The following SPOCK3 variants were observed in gnomAD, a reference collection of about 807,000 sequenced individuals.
SPOCK3 encodes the protein testican-3.
A neutral mutation model predicts 56.6 loss-of-function variants in SPOCK3; 30 were observed. The ratio of observed to expected loss-of-function variants is 0.53; its 90% CI spans 0.40 to 0.72. The LOEUF (loss-of-function observed/expected upper bound fraction) is 0.72, where lower values mean the gene tolerates loss of function less well. Ranked by LOEUF, SPOCK3 falls within the 30% of genes least tolerant of loss-of-function variation. The pLI is 0.00. For synonymous variants in SPOCK3, 196 were observed against 183.3 expected (o/e 1.07, Z -0.56); for missense variants, 527 against 530.0 (o/e 0.99, Z 0.06).
intron 2 of SPOCK3, among the ~76,000 whole-genome samples, chr4:167,143,778 C>A (rs571847584): frequency 6.6e-6 from 1 of 151,962 alleles, no homozygotes; most frequent in African/African-American, 2.4e-5. Flanking sequence ...AAAGACAAAA[C>A]TTCAATGTGA....
chr4:167,112,139 C>T (rs946183703), intron 2 of SPOCK3, among the ~76,000 whole-genome samples: 7 of 152,068 alleles, frequency 4.6e-5, no homozygotes, highest in Non-Finnish European at 1.0e-4. Flanking sequence ...TATATATATG[C>T]TTTATCACTC....
Position 167,009,770 on chromosome 4 carries a change from A to T in SPOCK3, c.236-9307T>A, listed in dbSNP as rs187887803. Reference sequence around the variant, plus strand: ...CCACTCAAAAACTAGCATATCAAGAAATCAAAATATTCTTGTAAAATCAGA... The same window carrying T: ...CCACTCAAAAACTAGCATATCAAGATATCAAAATATTCTTGTAAAATCAGA... On this transcript the variant is annotated intron_variant, in intron 3 of 10. Coordinates refer to ENST00000357545, the MANE Select transcript of SPOCK3 (RefSeq NM_001040159.2). Among the ~76,000 whole-genome samples, 3 of 152,298 alleles carry T rather than the reference A, an allele frequency of 2.0e-5. No individual in the cohort carries two copies. In the East Asian group the frequency reaches 5.8e-4, roughly 29 times the overall value.
intron 3 of SPOCK3, among the ~76,000 whole-genome samples, chr4:167,038,636 C>G (rs1752976320): frequency 8.2e-6 from 1 of 122,242 alleles, no homozygotes; most frequent in South Asian, 2.8e-4. Context: ...ACAGTAAGAG[C>G]GTGGTGCATG....
chr4:166,736,938 C>T (rs1329410282), intron 10 of SPOCK3, among the ~76,000 whole-genome samples: 5 of 152,016 alleles, frequency 3.3e-5, no homozygotes, highest in Non-Finnish European at 7.4e-5. Flanking sequence ...AGAATATTAG[C>T]TATAATTCCC....
chr4:167,097,582 C>A (rs752667474), intron 2 of SPOCK3, among the ~76,000 whole-genome samples: 1 of 151,646 alleles, frequency 6.6e-6, no homozygotes, highest in Non-Finnish European at 1.5e-5. Context: ...TCAAGGGGTA[C>A]ATGTGCAGAT....
Position 166,747,519 on chromosome 4 carries a change from G to A in SPOCK3, c.932-5460C>T, listed in dbSNP as rs181211055. ...AAGAGCTATTTATGACAAACCCACA[G>A]CCAATATCATACTGAATGGCCAAAA... On this transcript the variant is annotated intron_variant, in intron 8 of 10. Coordinates refer to ENST00000357545, the MANE Select transcript of SPOCK3 (RefSeq NM_001040159.2). Among the ~76,000 whole-genome samples the A allele has an allele frequency of 1.5e-3, 235 of 152,220 alleles. 3 individuals are homozygous for A. The East Asian group carries it at 0.042, about 27-fold the overall frequency.
intron 2 of SPOCK3, among the ~76,000 whole-genome samples, chr4:167,220,240 G>A (rs1735769321): frequency 6.6e-6 from 1 of 152,078 alleles, no homozygotes; most frequent in African/African-American, 2.4e-5. Context: ...ATAATAGGAA[G>A]AAGTCAAATT....
intron 8 of SPOCK3, among the ~76,000 whole-genome samples, chr4:166,747,754 A>G (rs1168531722): frequency 6.6e-6 from 1 of 152,084 alleles, no homozygotes; most frequent in Non-Finnish European, 1.5e-5. Flanking sequence ...TCAGCCCAAA[A>G]TCCCCTTAAG....
At chr4:167,136,282 G>T (rs1177379974) in intron 2 of SPOCK3, among the ~76,000 whole-genome samples, 4 of 152,286 alleles carry the variant, frequency 2.6e-5, no homozygotes, top group Admixed American at 2.6e-4. Context: ...GTGTGAGTGT[G>T]TGTGTGTGGT....
rs1207976464 is a variant in SPOCK3 at position 167,093,108 on chromosome 4, G to A, written c.190-30571C>T. ...ATCAACATCACCCACTTTAATTCTT[G>A]CAACTTGGAGATGTTGCCTCCATTA... On this transcript the variant is annotated intron_variant, in intron 2 of 10. Transcript: ENST00000357545. Among the ~76,000 whole-genome samples, 4 of 151,902 alleles carry A rather than the reference G, an allele frequency of 2.6e-5. 1 individual carries two copies. The highest frequency in any genetic ancestry group is 5.9e-5 in the Non-Finnish European group (4 of 67,972).
At chr4:166,813,167 G>A (rs1046950043) in intron 6 of SPOCK3, among the ~76,000 whole-genome samples, 1 of 151,956 alleles carries the variant, frequency 6.6e-6, no homozygotes, top group Non-Finnish European at 1.5e-5. Context: ...TTTTCATAAA[G>A]TAAATCCGAT....
chr4:166,802,783 TCACACATATA>T, intron 6 of SPOCK3, among the ~76,000 whole-genome samples: 1 of 152,228 alleles, frequency 6.6e-6, no homozygotes, highest in Middle Eastern at 3.4e-3. Context: ...ATAAATATGT[TCACACATATA>T]CACACACATA....
At chr4:166,903,522 C>T (rs1216039404) in intron 5 of SPOCK3, among the ~76,000 whole-genome samples, 2 of 152,174 alleles carry the variant, frequency 1.3e-5, no homozygotes, top group Middle Eastern at 6.8e-3. Context: ...GCTTTCTTTT[C>T]ACTGGAGGCA....
intron 6 of SPOCK3, among the ~76,000 whole-genome samples, chr4:166,808,970 G>C (rs1206944411): frequency 1.3e-5 from 2 of 151,936 alleles, no homozygotes; most frequent in African/African-American, 2.4e-5. Flanking sequence ...TTTAAACAAA[G>C]ATCTTTTATT....
chr4:167,159,981 A>G (rs1354923363), intron 2 of SPOCK3, among the ~76,000 whole-genome samples: 6 of 152,150 alleles, frequency 3.9e-5, no homozygotes, highest in Non-Finnish European at 5.9e-5. Context: ...AAACTGGCAC[A>G]AGACAGGGAT....
At chr4:167,034,742 A>T (rs185725707) in intron 3 of SPOCK3, among the ~76,000 whole-genome samples, 1 of 152,182 alleles carries the variant, frequency 6.6e-6, no homozygotes, top group Non-Finnish European at 1.5e-5. Flanking sequence ...AGGTTAATAC[A>T]TCTACATATA....
At chr4:166,966,092 A>G (rs1032666304) in intron 4 of SPOCK3, among the ~76,000 whole-genome samples, 2 of 152,006 alleles carry the variant, frequency 1.3e-5, no homozygotes, top group Non-Finnish European at 2.9e-5. Flanking sequence ...GAATCATATA[A>G]TATGTATGTA....
intron 2 of SPOCK3, among the ~76,000 whole-genome samples, chr4:167,181,551 C>A (rs1241324125): frequency 6.6e-6 from 1 of 152,146 alleles, no homozygotes; most frequent in Non-Finnish European, 1.5e-5. Flanking sequence ...GTTTTATGAT[C>A]TTCCTCCTTA....
chr4:166,865,022 C>CA (rs1475822831), intron 6 of SPOCK3, among the ~76,000 whole-genome samples: 5 of 152,028 alleles, frequency 3.3e-5, no homozygotes, highest in Non-Finnish European at 5.9e-5. Flanking sequence ...AATATTGACG[C>CA]AAAAATCCCT....
Sources: gnomAD v4.1 joint callset for allele counts (sites outside exome capture counted in the v4.1 genomes callset) on GRCh38, gnomAD v4.1.1 for gene constraint, MANE v1.5 for transcripts, NCBI Gene and HGNC (gene_info 2026-07-23, HGNC 2026-07-21) for gene names.